Variants in TMEM266 observed in about 807,000 individuals in gnomAD.
TMEM266 encodes the protein Hv1 related protein 1.
In TMEM266, 33 loss-of-function variants were observed where a neutral mutation model predicts 50.5. The observed-to-expected ratio is 0.65, with a 90% CI of 0.50 to 0.87. The LOEUF is 0.87. TMEM266 is among the 40% of genes least tolerant of loss of function. The pLI, the probability that TMEM266 is intolerant of heterozygous loss-of-function variation, is 0.00. For synonymous variants in TMEM266, 310 were observed against 292.3 expected (o/e 1.06, Z -0.62); for missense variants, 655 against 695.1 (o/e 0.94, Z 0.65).
chr15:76,098,194 A>G (rs1252092809), intron 1 of TMEM266, among the ~76,000 whole-genome samples: 2 of 152,034 alleles, frequency 1.3e-5, no homozygotes, highest in African/African-American at 4.8e-5. Flanking sequence ...TGGTTTTTGG[A>G]ATTTTCAGCC....
chr15:76,103,892 C>T (rs541883016), intron 1 of TMEM266, among the ~76,000 whole-genome samples: 1 of 134,558 alleles, frequency 7.4e-6, no homozygotes, highest in African/African-American at 2.9e-5. Flanking sequence ...AGCCTAGCGA[C>T]GGAGCGAGAC....
chr15:76,166,391 T>C (rs1382701728), intron 5 of TMEM266, among the ~76,000 whole-genome samples: 1 of 152,112 alleles, frequency 6.6e-6, no homozygotes, highest in African/African-American at 2.4e-5. Context: ...TCTGTTTCCA[T>C]GGGCTGAGCT....
chr15:76,202,913 T>A (rs2142093488), intron 10 of TMEM266, among the ~76,000 whole-genome samples: 1 of 152,160 alleles, frequency 6.6e-6, no homozygotes, highest in East Asian at 1.9e-4. Flanking sequence ...ATTTTTTGTT[T>A]TCCACAATTT....
In TMEM266 at chr15:76,115,666, C is replaced by T. The variant is rs568129962; in HGVS notation, c.-96-18502C>T. Among the ~76,000 whole-genome samples the T allele has an allele frequency of 8.5e-5, 13 of 152,306 alleles. No homozygotes were observed. The East Asian group carries it at 2.1e-3, about 25-fold the overall frequency. ...CGGGATTCCCCTGGCCCCGGGAGGCCACCTTCTTGGGTGGGGGCCTGTCAA... is the reference window on the plus strand; with the variant it reads ...CGGGATTCCCCTGGCCCCGGGAGGCTACCTTCTTGGGTGGGGGCCTGTCAA... On this transcript the variant is annotated intron_variant, in intron 1 of 10. Coordinates refer to ENST00000388942, the MANE Select transcript of TMEM266 (RefSeq NM_152335.3).
At chr15:76,147,938 C>A (rs1313674424) in intron 3 of TMEM266, among the ~76,000 whole-genome samples, 3 of 152,186 alleles carry the variant, frequency 2.0e-5, no homozygotes. Context: ...CAGTGCACTC[C>A]AGCCTGGGCA....
intron 9 of TMEM266, among the ~76,000 whole-genome samples, chr15:76,193,299 C>A (rs957818691): frequency 1.3e-5 from 2 of 152,156 alleles, no homozygotes; most frequent in East Asian, 1.9e-4. Flanking sequence ...TAGTTCACTG[C>A]CACCTCAGAC....
chr15:76,178,362 C>A (rs998251677), intron 8 of TMEM266, among the ~76,000 whole-genome samples: 9 of 152,118 alleles, frequency 5.9e-5, no homozygotes, highest in Non-Finnish European at 1.0e-4. Flanking sequence ...TGCAGGGTGT[C>A]ATCCAGAAAG....
chr15:76,103,497 G>C (rs1330036622), intron 1 of TMEM266, among the ~76,000 whole-genome samples: 1 of 152,122 alleles, frequency 6.6e-6, no homozygotes, highest in Non-Finnish European at 1.5e-5. Context: ...CAACTGGAAG[G>C]GTCGAGTTAT....
intron 3 of TMEM266, among the ~76,000 whole-genome samples, chr15:76,138,456 C>T (rs2037626701): frequency 6.6e-6 from 1 of 152,164 alleles, no homozygotes; most frequent in Admixed American, 6.5e-5. Context: ...GACCGAGGCA[C>T]TCCTTAATGA....
intron 1 of TMEM266, among the ~76,000 whole-genome samples, chr15:76,085,296 C>T (rs1162601129): frequency 1.4e-5 from 2 of 145,606 alleles, no homozygotes; most frequent in East Asian, 2.1e-4. Flanking sequence ...CTTGCTCTGT[C>T]GCCTAGGCTG....
chr15:76,153,806 G>C lies in TMEM266; in HGVS notation c.228-2798G>C, dbSNP rs1295448141. Among the ~76,000 whole-genome samples the C allele has an allele frequency of 1.3e-5, 2 of 152,166 alleles. No homozygotes were observed. Among genetic ancestry groups the C allele is most frequent in the African/African-American group, 4.8e-5 (2 of 41,424 alleles). On this transcript the variant is annotated intron_variant, in intron 3 of 10. Transcript: ENST00000388942. This position sits in a 1 kb window ranked among gnomAD's most constrained non-coding sequence, Gnocchi z 4.2. ...GAAGAATCAGGAGGTGAGGAGGGTG[G>C]CCAAGTGATGATAGCCAAAGATATC... is the stretch of plus-strand genomic sequence containing the variant.
intron 8 of TMEM266, among the ~76,000 whole-genome samples, chr15:76,179,422 CA>C (rs1166352695): frequency 6.6e-6 from 1 of 152,196 alleles, no homozygotes; most frequent in Non-Finnish European, 1.5e-5. Flanking sequence ...TGAGCAGTGG[CA>C]GCTCGCCTTG....
At chr15:76,159,324 A>C (rs1840228922) in intron 4 of TMEM266, among the ~76,000 whole-genome samples, 1 of 152,188 alleles carries the variant, frequency 6.6e-6, no homozygotes, top group South Asian at 2.1e-4. Flanking sequence ...CTGTGGCTTC[A>C]TGTATTTTAA....
At chr15:76,068,578 G>T (rs1411983069) in intron 1 of TMEM266, among the ~76,000 whole-genome samples, 2 of 152,194 alleles carry the variant, frequency 1.3e-5, no homozygotes, top group Admixed American at 1.3e-4. Context: ...TGTCATAAGG[G>T]TCGGTCCCTA....
chr15:76,174,567 C>T (rs945463697), intron 7 of TMEM266, among the ~76,000 whole-genome samples: 4 of 152,090 alleles, frequency 2.6e-5, no homozygotes, highest in African/African-American at 9.7e-5. Context: ...GTTCACAATT[C>T]AGTGGTTTCT....
At chr15:76,102,090 A>G (rs942319895) in intron 1 of TMEM266, among the ~76,000 whole-genome samples, 1 of 152,166 alleles carries the variant, frequency 6.6e-6, no homozygotes. Context: ...ACCCATATCC[A>G]GGCCCCTAAC....
intron 1 of TMEM266, among the ~76,000 whole-genome samples, chr15:76,094,665 A>G (rs1441340198): frequency 6.6e-6 from 1 of 152,050 alleles, no homozygotes; most frequent in African/African-American, 2.4e-5. Context: ...AGTTAGTGAT[A>G]GCTTGATGGG....
At chr15:76,071,441 A>C (rs1185406088) in intron 1 of TMEM266, among the ~76,000 whole-genome samples, 1 of 152,172 alleles carries the variant, frequency 6.6e-6, no homozygotes, top group Non-Finnish European at 1.5e-5. Context: ...AGTGTGAGGG[A>C]AAGTACGATC....
chr15:76,096,647 G>A (rs1014569341), intron 1 of TMEM266, among the ~76,000 whole-genome samples: 2 of 151,982 alleles, frequency 1.3e-5, no homozygotes, highest in African/African-American at 4.8e-5. Flanking sequence ...CTAAGTTCAA[G>A]TCCCGAATAT....
Sources: gnomAD v4.1 joint callset for allele counts (sites outside exome capture counted in the v4.1 genomes callset) on GRCh38, gnomAD v4.1.1 for gene constraint, Gnocchi (gnomAD v3.1) non-coding constraint, MANE v1.5 for transcripts, NCBI Gene and HGNC (gene_info 2026-07-23, HGNC 2026-07-21) for gene names.